Variants in FBLN7 observed in about 807,000 individuals in gnomAD.
FBLN7 encodes the protein fibulin 7.
A neutral mutation model predicts 44.0 loss-of-function variants in FBLN7; 31 were observed. The observed-to-expected ratio is 0.70, with a 90% CI of 0.53 to 0.95. The LOEUF (loss-of-function observed/expected upper bound fraction) is 0.95. FBLN7 is among the 40% of genes least tolerant of loss of function. FBLN7 has a pLI of 0.00. For synonymous variants in FBLN7, 262 were observed against 253.4 expected (o/e 1.03, Z -0.32); for missense variants, 573 against 618.5 (o/e 0.93, Z 0.78).
the FBLN7 span, chr2:112,230,915 A>G: frequency 2.3e-6 from 3 of 1,283,110 alleles, no homozygotes; most frequent in African/African-American, 1.6e-5. Context: ...TTTTATGTCT[A>G]TTTTATTTAC....
chr2:112,243,897 T>C, the FBLN7 span, among the ~76,000 whole-genome samples: 27 of 151,926 alleles, frequency 1.8e-4, no homozygotes, highest in East Asian at 5.2e-3. Flanking sequence ...TACACAAAGA[T>C]ATTAAAAAAT....
At chr2:112,151,164 G>A (rs1368118338) in intron 1 of FBLN7, 1 of 152,274 alleles carries the variant, frequency 6.6e-6, no homozygotes, top group African/African-American at 2.4e-5. Context: ...CTGGCAGAAC[G>A]GATTCCGCTG....
chr2:112,226,605 A>AAAAAAAAAG, the FBLN7 span, among the ~76,000 whole-genome samples: 2 of 150,024 alleles, frequency 1.3e-5, no homozygotes, highest in African/African-American at 4.9e-5. Context: ...AAAAAAAAAA[A>AAAAAAAAAG]GCTCAGGCCC....
In FBLN7 at chr2:112,182,787, G is replaced by C. The variant is rs1263320291; in HGVS notation, c.671-4G>C. On this transcript the variant is annotated splice_polypyrimidine_tract_variant and splice_region_variant and intron_variant, in intron 5 of 7. Transcript: ENST00000331203. The stretch of plus-strand genomic sequence containing the variant: ...AAAGTCACAGTGAGCACTTCTGTCT[G>C]CAGACGTGAACGAGTGTGAGCTCTA... 6.3e-7 allele frequency: 1 copy of C among 1,596,094 alleles called. No homozygotes were observed. The highest frequency in any genetic ancestry group is 8.5e-7 in the Non-Finnish European group (1 of 1,172,106).
intron 4 of FBLN7, among the ~76,000 whole-genome samples, chr2:112,181,352 TAC>T (rs755506333): frequency 7.9e-5 from 12 of 151,668 alleles, no homozygotes; most frequent in African/African-American, 2.9e-4. Context: ...AAATAAAGAA[TAC>T]ACACACACAC....
chr2:112,219,425 A>C, the FBLN7 span, among the ~76,000 whole-genome samples: 215 of 152,316 alleles, frequency 1.4e-3, no homozygotes, highest in African/African-American at 4.9e-3. Context: ...ACATACACAA[A>C]TTAGCACAAA....
intron 2 of FBLN7, among the ~76,000 whole-genome samples, chr2:112,160,095 A>C (rs1008688995): frequency 1.3e-5 from 2 of 151,974 alleles, no homozygotes; most frequent in Admixed American, 6.5e-5. Context: ...GGTTCACGCC[A>C]TTCTCCTGCC....
At chr2:112,196,992 A>G in the FBLN7 span, among the ~76,000 whole-genome samples, 2 of 151,874 alleles carry the variant, frequency 1.3e-5, no homozygotes, top group Admixed American at 1.3e-4. Context: ...TCACTATCAC[A>G]AGAACAGCAT....
chr2:112,158,780 G>A (rs563320075), intron 1 of FBLN7, among the ~76,000 whole-genome samples: 2 of 152,074 alleles, frequency 1.3e-5, no homozygotes, highest in African/African-American at 2.4e-5. Flanking sequence ...TCACTATATT[G>A]CACAGGCTGG....
chr2:112,150,587 G>C (rs894314441), intron 1 of FBLN7, among the ~76,000 whole-genome samples: 6 of 152,094 alleles, frequency 3.9e-5, no homozygotes, highest in African/African-American at 1.4e-4. Flanking sequence ...GAAAAATGCT[G>C]TTCTGGGAGG....
intron 1 of FBLN7, among the ~76,000 whole-genome samples, chr2:112,159,247 G>A (rs1306919881): frequency 2.0e-5 from 3 of 150,984 alleles, no homozygotes; most frequent in Admixed American, 6.6e-5. Flanking sequence ...GAACCATTGG[G>A]CATTCCTGTT....
the FBLN7 span, among the ~76,000 whole-genome samples, chr2:112,197,258 CACACACACACACACACAGAGAGAGAGAG>C: frequency 5.5e-5 from 7 of 127,154 alleles, no homozygotes; most frequent in African/African-American, 1.9e-4. Context: ...CACACACACA[CACACACACACACACACAGAGAGAGAGAG>C]AGAGAGAGAG....
chr2:112,205,837 C>T, the FBLN7 span, among the ~76,000 whole-genome samples: 1 of 152,106 alleles, frequency 6.6e-6, no homozygotes, highest in Non-Finnish European at 1.5e-5. Flanking sequence ...TTAGAATGAG[C>T]TTGTCTATAC....
chr2:112,192,450 G>A (rs1271437044), downstream of FBLN7, among the ~76,000 whole-genome samples: 1 of 152,150 alleles, frequency 6.6e-6, no homozygotes, highest in African/African-American at 2.4e-5. Context: ...GGGTATCTGG[G>A]TATCAGTCAG....
At chr2:112,169,181 G>C (rs1238297050) in intron 3 of FBLN7, among the ~76,000 whole-genome samples, 1 of 152,162 alleles carries the variant, frequency 6.6e-6, no homozygotes, top group African/African-American at 2.4e-5. Flanking sequence ...CTGAGGCAGG[G>C]AGAATTGCTT....
the FBLN7 span, chr2:112,238,332 A>G: frequency 6.2e-7 from 1 of 1,613,198 alleles, no homozygotes; most frequent in East Asian, 2.2e-5. Context: ...GGTATCTTTT[A>G]CTCCTTCTTT....
At chr2:112,198,639 A>AG in the FBLN7 span, among the ~76,000 whole-genome samples, 1 of 136,274 alleles carries the variant, frequency 7.3e-6, no homozygotes. Flanking sequence ...GTCTCAAAAA[A>AG]AAAGAAAGAA....
At chr2:112,241,560 AT>A in the FBLN7 span, among the ~76,000 whole-genome samples, 1 of 152,238 alleles carries the variant, frequency 6.6e-6, no homozygotes, top group Non-Finnish European at 1.5e-5. Context: ...CCAAATTGAC[AT>A]TTGGTATTTG....
At chr2:112,157,652 TCTCA>T (rs1245172482) in intron 1 of FBLN7, among the ~76,000 whole-genome samples, 5 of 152,148 alleles carry the variant, frequency 3.3e-5, no homozygotes, top group African/African-American at 1.2e-4. Context: ...TGAGGCAGGG[TCTCA>T]CTCTGTCACC....
Sources: gnomAD v4.1 joint callset for allele counts (sites outside exome capture counted in the v4.1 genomes callset) on GRCh38, gnomAD v4.1.1 for gene constraint, MANE v1.5 for transcripts, NCBI Gene and HGNC (gene_info 2026-07-23, HGNC 2026-07-21) for gene names.